The following CDK14 variants were observed in gnomAD, a reference collection of about 807,000 sequenced individuals.
CDK14 encodes cyclin-dependent kinase 14.
CDK14 carries 34 observed loss-of-function variants against 60.7 expected under a neutral mutation model. That is an observed-to-expected ratio of 0.56 (90% confidence interval 0.43 to 0.75). CDK14 has a LOEUF of 0.75. Ranked by LOEUF, CDK14 falls within the 30% of genes least tolerant of loss-of-function variation. CDK14 has a pLI of 0.00. For synonymous variants in CDK14, 197 were observed against 203.7 expected, an observed-to-expected ratio of 0.97 and a Z score of 0.28; for missense variants, 482 against 564.1, an observed-to-expected ratio of 0.85 and a Z score of 1.47.
chr7:90,676,436 G>A (rs1584786961), intron 2 of CDK14, among the ~76,000 whole-genome samples: 1 of 152,064 alleles, frequency 6.6e-6, no homozygotes, highest in East Asian at 1.9e-4. Context: ...GAAGTTGCTG[G>A]GGAGAGGTTG....
intron 5 of CDK14, among the ~76,000 whole-genome samples, chr7:90,832,758 A>C (rs569197846): frequency 3.9e-5 from 6 of 152,326 alleles, no homozygotes; most frequent in African/African-American, 1.2e-4. Context: ...GGTCAGGTTT[A>C]ATAAAAATAC....
intron 2 of CDK14, among the ~76,000 whole-genome samples, chr7:90,649,264 C>CTTTGTTTCTTTG (rs1563029666): frequency 1.3e-4 from 6 of 47,628 alleles, no homozygotes; most frequent in African/African-American, 4.6e-4. Flanking sequence ...TTCTTTCTTT[C>CTTTGTTTCTTTG]TTTCTTTCTT....
chr7:90,815,109 T>G (rs1198666197), intron 5 of CDK14, among the ~76,000 whole-genome samples: 2 of 152,228 alleles, frequency 1.3e-5, no homozygotes, highest in Admixed American at 6.5e-5. Context: ...CATTGTACTT[T>G]ATGATACAGT....
chr7:90,822,358 G>A (rs545361581), intron 5 of CDK14, among the ~76,000 whole-genome samples: 1 of 152,286 alleles, frequency 6.6e-6, no homozygotes, highest in Admixed American at 6.5e-5. Flanking sequence ...ATGTGTGTAC[G>A]GGTTTGGGTG....
chr7:90,684,250 T>C (rs1343013785), intron 2 of CDK14, among the ~76,000 whole-genome samples: 2 of 152,216 alleles, frequency 1.3e-5, no homozygotes, highest in African/African-American at 4.8e-5. Context: ...CAATCAAGAA[T>C]ACTGTGTTCA....
intron 10 of CDK14, among the ~76,000 whole-genome samples, chr7:91,034,760 T>C (rs912413998): frequency 1.3e-5 from 2 of 152,174 alleles, no homozygotes; most frequent in South Asian, 4.1e-4. Context: ...AATCATAGTA[T>C]TTTAAGGAAG....
chr7:91,044,948 C>G (rs909199375), intron 10 of CDK14, among the ~76,000 whole-genome samples: 1 of 152,160 alleles, frequency 6.6e-6, no homozygotes, highest in Non-Finnish European at 1.5e-5. Flanking sequence ...TGCCAGGTAG[C>G]GTTCTCCACA....
intron 4 of CDK14, among the ~76,000 whole-genome samples, chr7:90,759,313 C>T (rs2116854216): frequency 6.6e-6 from 1 of 152,258 alleles, no homozygotes. Context: ...ATGAGATATT[C>T]ACTCATTGGT....
intron 5 of CDK14, among the ~76,000 whole-genome samples, chr7:90,841,195 G>GAACATTGC (rs1172190245): frequency 1.3e-5 from 2 of 152,052 alleles, no homozygotes; most frequent in African/African-American, 4.8e-5. Flanking sequence ...GGAACTTTTA[G>GAACATTGC]AACATTGCAA....
At chr7:90,670,528 AGGCT>A (rs1266087627) in intron 2 of CDK14, among the ~76,000 whole-genome samples, 1 of 152,184 alleles carries the variant, frequency 6.6e-6, no homozygotes, top group Non-Finnish European at 1.5e-5. Flanking sequence ...ACGATTTTGC[AGGCT>A]GTATGAGCAT....
intron 7 of CDK14, among the ~76,000 whole-genome samples, chr7:90,900,683 C>A (rs1046729792): frequency 2.3e-4 from 35 of 152,160 alleles, no homozygotes; most frequent in African/African-American, 7.5e-4. Context: ...CCCCGGGGAG[C>A]TCAGAAGTCT....
At chr7:90,952,569 G>C (rs1380796720) in intron 8 of CDK14, among the ~76,000 whole-genome samples, 1 of 152,102 alleles carries the variant, frequency 6.6e-6, no homozygotes, top group African/African-American at 2.4e-5. Flanking sequence ...AGCCATTTTA[G>C]GTGCCCATCG....
intron 3 of CDK14, among the ~76,000 whole-genome samples, chr7:90,729,149 G>A (rs541118627): frequency 1.3e-5 from 2 of 151,590 alleles, no homozygotes; most frequent in Non-Finnish European, 2.9e-5. Flanking sequence ...ATCTCTGGCG[G>A]GACTAGGAAG....
intron 2 of CDK14, among the ~76,000 whole-genome samples, chr7:90,638,421 T>C (rs993696576): frequency 5.9e-5 from 9 of 152,228 alleles, no homozygotes; most frequent in African/African-American, 2.2e-4. Context: ...AAATTCTGGG[T>C]TGAAAATTTT....
intron 4 of CDK14, among the ~76,000 whole-genome samples, chr7:90,777,847 C>T (rs577193965): frequency 6.6e-6 from 1 of 152,362 alleles, no homozygotes; most frequent in African/African-American, 2.4e-5. Flanking sequence ...ATGCCTCAGA[C>T]TGCACCCTCA....
At chr7:91,087,500 A>C (rs1798674076) in intron 12 of CDK14, among the ~76,000 whole-genome samples, 2 of 152,220 alleles carry the variant, frequency 1.3e-5, no homozygotes, top group African/African-American at 4.8e-5. Flanking sequence ...CAGGAAGCTC[A>C]TTAACCTCTC....
At chr7:91,033,106 G>A (rs185082407) in intron 10 of CDK14, among the ~76,000 whole-genome samples, 29 of 152,264 alleles carry the variant, frequency 1.9e-4, no homozygotes, top group African/African-American at 6.7e-4. Flanking sequence ...CAAGTTTGCA[G>A]CTGAAGTAAA....
At chr7:91,073,949 C>T (rs1307617052) in intron 11 of CDK14, among the ~76,000 whole-genome samples, 6 of 152,054 alleles carry the variant, frequency 3.9e-5, no homozygotes, top group Non-Finnish European at 8.8e-5. Context: ...AAAAGAACAA[C>T]TAACTATCCA....
chr7:90,780,341 C>G (rs760922280), intron 4 of CDK14, among the ~76,000 whole-genome samples: 90 of 151,946 alleles, frequency 5.9e-4, no homozygotes, highest in Non-Finnish European at 1.0e-3. Context: ...TGAAATGATT[C>G]TGTAATACCC....
Sources: gnomAD v4.1 joint callset for allele counts (sites outside exome capture counted in the v4.1 genomes callset) on GRCh38, gnomAD v4.1.1 for gene constraint, MANE v1.5 for transcripts, NCBI Gene and HGNC (gene_info 2026-07-23, HGNC 2026-07-21) for gene names.